SEMA3A: variants seen among roughly 807,000 people sequenced by gnomAD.
SEMA3A encodes semaphorin-3A.
A neutral mutation model predicts 97.9 loss-of-function variants in SEMA3A; 29 were observed. The observed-to-expected ratio is 0.30, with a 90% CI of 0.22 to 0.40. SEMA3A has a LOEUF of 0.40. Among genes scored for constraint, SEMA3A ranks in the 10% least tolerant of loss-of-function variants. The probability of loss-of-function intolerance (pLI) is 1.00; values close to 1 mark genes in which losing one functional copy is unlikely to be tolerated. For synonymous variants in SEMA3A, 321 were observed against 323.7 expected (o/e 0.99, Z 0.09); for missense variants, 763 against 951.3 (o/e 0.80, Z 2.60).
At chr7:84,431,199 C>T (rs1291225110) in intron 1 of SEMA3A, among the ~76,000 whole-genome samples, 1 of 151,998 alleles carries the variant, frequency 6.6e-6, no homozygotes, top group Non-Finnish European at 1.5e-5. Context: ...ACACAAAGGG[C>T]AGCCCTAATG....
chr7:84,442,168 T>G (rs781512132), intron 1 of SEMA3A, among the ~76,000 whole-genome samples: 51 of 152,150 alleles, frequency 3.4e-4, no homozygotes, highest in Non-Finnish European at 5.6e-4. Context: ...AGTAATAAAT[T>G]ACAAAATTAT....
intron 1 of SEMA3A, among the ~76,000 whole-genome samples, chr7:84,166,821 G>T (rs1224477815): frequency 6.7e-6 from 1 of 148,404 alleles, no homozygotes; most frequent in Non-Finnish European, 1.5e-5. Flanking sequence ...GCTGCAGTGA[G>T]CCGAGATTGC....
At chr7:84,035,765 C>A (rs919181677) in intron 6 of SEMA3A, among the ~76,000 whole-genome samples, 1 of 151,872 alleles carries the variant, frequency 6.6e-6, no homozygotes, top group African/African-American at 2.4e-5. Flanking sequence ...TGGTTTCTCC[C>A]CACTCTCTGA....
At chr7:84,186,947 T>C (rs1797905034) in intron 1 of SEMA3A, among the ~76,000 whole-genome samples, 1 of 152,270 alleles carries the variant, frequency 6.6e-6, no homozygotes, top group Non-Finnish European at 1.5e-5. Context: ...TCCCATGGTA[T>C]TTCCTATCAC....
intron 4 of SEMA3A, among the ~76,000 whole-genome samples, chr7:84,103,607 G>A (rs1242938952): frequency 6.6e-6 from 1 of 151,944 alleles, no homozygotes; most frequent in East Asian, 1.9e-4. Context: ...AGTTTGTTAT[G>A]CTACTTTTCT....
intron 3 of SEMA3A, among the ~76,000 whole-genome samples, chr7:84,306,944 T>A (rs1413857913): frequency 1.4e-5 from 2 of 147,664 alleles, no homozygotes; most frequent in African/African-American, 5.0e-5. Context: ...AGTCTGGAGA[T>A]TTTTTTTTTT....
At chr7:84,181,346 CAT>C (rs1387747104) in intron 1 of SEMA3A, among the ~76,000 whole-genome samples, 2 of 149,102 alleles carry the variant, frequency 1.3e-5, no homozygotes, top group African/African-American at 4.9e-5. Flanking sequence ...ATATAACACA[CAT>C]ATACATGAGT....
chr7:84,467,658 C>T lies in SEMA3A; in HGVS notation c.-246+24802G>A, dbSNP rs1030709358. Among the ~76,000 whole-genome samples the T allele has an allele frequency of 4.6e-5, 7 of 151,986 alleles. No homozygotes were observed. In the East Asian group the frequency reaches 5.8e-4, roughly 13 times the overall value. Reference sequence around the variant, plus strand: ...CTGTCTACTTTTAAAGCTATTTTCCCGTTTTCAATGCATCCCAACATCATT... The same window carrying T: ...CTGTCTACTTTTAAAGCTATTTTCCTGTTTTCAATGCATCCCAACATCATT... On this transcript the variant is annotated intron_variant, in intron 1 of 3. Transcript: ENST00000424555.
At chr7:84,439,319 A>C (rs1446556394) in intron 1 of SEMA3A, among the ~76,000 whole-genome samples, 11 of 152,144 alleles carry the variant, frequency 7.2e-5, no homozygotes, top group African/African-American at 2.4e-4. Flanking sequence ...AGGAAGCATG[A>C]AAGGGTTAGG....
chr7:84,081,994 T>C (rs1794180526), intron 4 of SEMA3A, among the ~76,000 whole-genome samples: 12 of 152,176 alleles, frequency 7.9e-5, no homozygotes, highest in Admixed American at 7.9e-4. Context: ...AGTTTCCCTG[T>C]TTTAATTTTA....
chr7:84,226,523 G>A (rs1798993179), intron 3 of SEMA3A, among the ~76,000 whole-genome samples: 1 of 152,006 alleles, frequency 6.6e-6, no homozygotes, highest in Non-Finnish European at 1.5e-5. Flanking sequence ...AATGTAGTTT[G>A]TTACCCACGA....
At chr7:84,202,630 CTT>C (rs1020158506) in intron 3 of SEMA3A, among the ~76,000 whole-genome samples, 4 of 152,162 alleles carry the variant, frequency 2.6e-5, no homozygotes, top group Admixed American at 6.5e-5. Flanking sequence ...CAAATATACT[CTT>C]TCTCTACCCT....
At chr7:84,237,431 A>T (rs1231258703) in intron 3 of SEMA3A, among the ~76,000 whole-genome samples, 1 of 152,146 alleles carries the variant, frequency 6.6e-6, no homozygotes, top group Admixed American at 6.6e-5. Flanking sequence ...TAAGAAGTTC[A>T]TAATCAATAA....
At chr7:84,006,523 C>A (rs1790673461) in intron 10 of SEMA3A, among the ~76,000 whole-genome samples, 1 of 151,948 alleles carries the variant, frequency 6.6e-6, no homozygotes, top group South Asian at 2.1e-4. Flanking sequence ...CATAACCTCA[C>A]CTCTGGATGT....
intron 3 of SEMA3A, among the ~76,000 whole-genome samples, chr7:84,287,255 A>C (rs1296479309): frequency 6.6e-6 from 1 of 152,128 alleles, no homozygotes; most frequent in Non-Finnish European, 1.5e-5. Context: ...TATATTGAAG[A>C]TGTACAATGT....
chr7:84,209,412 T>C (rs1025952467), intron 3 of SEMA3A, among the ~76,000 whole-genome samples: 1 of 152,176 alleles, frequency 6.6e-6, no homozygotes, highest in African/African-American at 2.4e-5. Context: ...TACAGTATGA[T>C]GAGGGAAACC....
intron 3 of SEMA3A, among the ~76,000 whole-genome samples, chr7:84,281,262 A>C (rs1421787503): frequency 6.6e-6 from 1 of 152,156 alleles, no homozygotes; most frequent in Admixed American, 6.6e-5. Context: ...GGTTGGATTG[A>C]GGAGGCTGGG....
intron 1 of SEMA3A, among the ~76,000 whole-genome samples, chr7:84,405,028 A>T (rs995457705): frequency 6.6e-6 from 1 of 152,210 alleles, no homozygotes; most frequent in Non-Finnish European, 1.5e-5. Flanking sequence ...TGACAGGATC[A>T]AATTCACACA....
intron 1 of SEMA3A, among the ~76,000 whole-genome samples, chr7:84,423,229 G>C (rs961149580): frequency 3.0e-5 from 4 of 131,924 alleles, no homozygotes; most frequent in African/African-American, 1.0e-4. Context: ...ACTATGAAAA[G>C]ATTTGCAATA....
Sources: gnomAD v4.1 joint callset for allele counts (sites outside exome capture counted in the v4.1 genomes callset) on GRCh38, gnomAD v4.1.1 for gene constraint, MANE v1.5 for transcripts, NCBI Gene and HGNC (gene_info 2026-07-23, HGNC 2026-07-21) for gene names.